The following TEPSIN variants were observed in gnomAD, a reference collection of about 807,000 sequenced individuals.
TEPSIN encodes the protein AP-4 complex accessory subunit tepsin.
In TEPSIN, 50 loss-of-function variants were observed where a neutral mutation model predicts 48.5. That is an observed-to-expected ratio of 1.03 (90% CI 0.82 to 1.31). The LOEUF (loss-of-function observed/expected upper bound fraction) is 1.31, where lower values mean the gene tolerates loss of function less well. Ranked by LOEUF, TEPSIN falls within the 50% of genes most tolerant of loss-of-function variation. TEPSIN has a pLI of 0.00. For missense variants in TEPSIN, 838 were observed against 815.9 expected (o/e 1.03, Z -0.33); for synonymous variants, 392 against 358.8 (o/e 1.09, Z -1.05).
chr17:81,237,527 C>CT (rs1598363308), intron 1 of TEPSIN, 68 bp from the exon 2 acceptor site: 1 of 1,499,798 alleles, frequency 6.7e-7, no homozygotes, highest in Non-Finnish European at 9.0e-7. Context: ...CCGCAGCCCC[C>CT]CAAAGGGGAT....
intron 1 of TEPSIN, chr17:81,237,661 C>T (rs941564829): frequency 3.2e-6 from 2 of 625,474 alleles, no homozygotes; most frequent in African/African-American, 3.7e-5. Context: ...GATGAACAGC[C>T]TCGGAGAAGA....
At chr17:81,229,601 G>A in intron 12 of TEPSIN, 125 bp from the exon 13 acceptor site, 1 of 1,018,794 alleles carries the variant, frequency 9.8e-7, no homozygotes, top group Non-Finnish European at 1.4e-6. Context: ...CCTCTGGGCA[G>A]GACACCGGCT....
intron 1 of TEPSIN, chr17:81,238,646 G>A: frequency 1.7e-6 from 2 of 1,155,016 alleles, no homozygotes; most frequent in Non-Finnish European, 2.1e-6. Context: ...CTGGGCGCCA[G>A]CAGCACGGAC....
Position 81,233,387 on chromosome 17 carries a change from C to T in TEPSIN, c.526+45G>A, listed in dbSNP as rs1488140395. The T allele has an allele frequency of 1.2e-5, 20 of 1,601,234 alleles. No individual in the cohort carries two copies. The highest frequency in any genetic ancestry group is 2.2e-4 in the Middle Eastern group (1 of 4,450). On this transcript the variant is annotated intron_variant, in intron 7 of 12. Coordinates refer to ENST00000637944, the MANE Select transcript of TEPSIN (RefSeq NM_001363764.2). This position sits in a 1 kb window ranked among gnomAD's most constrained non-coding sequence, Gnocchi z 5.8. ...TCCGGCCCCCACCACCTCCTCATCCCCACACCCTGAGATGCCAGAGCCCAT... is the reference window on the plus strand; with the variant it reads ...TCCGGCCCCCACCACCTCCTCATCCTCACACCCTGAGATGCCAGAGCCCAT...
In TEPSIN at chr17:81,234,054, G is replaced by A; in HGVS notation, c.308-6C>T. The A allele has an allele frequency of 1.3e-6, 2 of 1,586,834 alleles. No homozygotes were observed. The highest frequency in any genetic ancestry group is 2.3e-5 in the East Asian group (1 of 43,864). ...ATCTGGGGGCCCTGCAAAAGCTGCA[G>A]AACAGAAAAGGCAAGTCGGGGGCAG... is the stretch of plus-strand genomic sequence containing the variant. On this transcript the variant is annotated splice_region_variant and splice_polypyrimidine_tract_variant and intron_variant, in intron 4 of 12. Coordinates refer to ENST00000637944, the MANE Select transcript of TEPSIN (RefSeq NM_001363764.2). This position sits in a 1 kb window ranked among gnomAD's most constrained non-coding sequence, Gnocchi z 5.4.
In TEPSIN at chr17:81,237,379, A is replaced by C. The variant is rs1277912902; in HGVS notation, c.121+8T>G. ...TTTCCACTACACGGGGACATCAAGG[A>C]AGGATACTAGCAATCTCTTCAAACA... is the stretch of plus-strand genomic sequence containing the variant. On this transcript the variant is annotated splice_region_variant and intron_variant, in intron 2 of 12. Coordinates refer to ENST00000637944, the MANE Select transcript of TEPSIN (RefSeq NM_001363764.2). 8.7e-6 allele frequency: 14 copies of C among 1,610,704 alleles called. No homozygotes were observed. Among genetic ancestry groups the C allele is most frequent in the Non-Finnish European group, 1.2e-5 (14 of 1,178,914 alleles).
chr17:81,236,724 G>T lies in TEPSIN; in HGVS notation c.291C>A (p.Phe97Leu), dbSNP rs868726153. 1 of 1,566,848 alleles carries T rather than the reference G, an allele frequency of 6.4e-7. No individual in the cohort carries two copies. Among genetic ancestry groups the T allele is most frequent in the Non-Finnish European group, 8.6e-7 (1 of 1,156,350 alleles). Residue 97 changes from phenylalanine (F) to leucine (L), a missense_variant, in exon 4 of 13, where the codon TTC (phenylalanine) becomes TTA (leucine). Phe to Leu is a conservative substitution (Grantham distance 22). Transcript: ENST00000637944. Reference sequence around the variant, plus strand: ...CCCCTGTACCTGCAGCTTCCTGGATGAAGGCAGAGTTGCGTTTGAGGATGA... The same window carrying T: ...CCCCTGTACCTGCAGCTTCCTGGATTAAGGCAGAGTTGCGTTTGAGGATGA... ...FLLILKRNSA[F>L]IQEAAAFAGP...
In TEPSIN at chr17:81,231,665, C is replaced by T. The variant is rs752501204; in HGVS notation, c.932G>A (p.Cys311Tyr). The T allele has an allele frequency of 2.5e-6, 4 of 1,612,846 alleles. No individual in the cohort carries two copies. In the Admixed American group the frequency reaches 6.7e-5, roughly 27 times the overall value. Reference protein sequence around the residue: ...ERVEVVALSDCQQELSLVRTV... With the variant: ...ERVEVVALSDYQQELSLVRTV... ...CCTCACCAAGCTCAACTCCTGCTGA[C>T]AGTCACTCAGGGCCACCACCTCGAC... Residue 311 changes from cysteine to tyrosine, a missense_variant, in exon 10 of 13, where the codon TGT (cysteine) becomes TAT (tyrosine). Coordinates refer to ENST00000637944, the MANE Select transcript of TEPSIN (RefSeq NM_001363764.2).
rs749137312 is a variant in TEPSIN, at chr17:81,238,972, C to G, written c.48+14G>C. On this transcript the variant is annotated intron_variant, in intron 1 of 12. Coordinates refer to ENST00000637944, the MANE Select transcript of TEPSIN (RefSeq NM_001363764.2). ...GCCGTGGGACCGGGGCCCGGGCGGA[C>G]CGCCCTCACTCACCCGGTGTAGAAA... 18 of 1,450,138 alleles carry G rather than the reference C, an allele frequency of 1.2e-5. No individual in the cohort carries two copies. The South Asian group carries it at 1.6e-4, about 13-fold the overall frequency. The allele number at this position is 1,450,138 out of a possible 1,614,324, so 89.8% of individuals were successfully genotyped here.
intron 2 of TEPSIN, 38 bp downstream of exon 2, chr17:81,237,349 C>T (rs1430756799): frequency 4.4e-6 from 7 of 1,598,920 alleles, no homozygotes; most frequent in South Asian, 2.3e-5. Flanking sequence ...CCCTGCCATC[C>T]GCTCTTTCCA....
In TEPSIN at chr17:81,231,971, T is replaced by G; in HGVS notation, c.781A>C (p.Ser261Arg). ...QAGGGWDELDSGPSSQNSSQN... is the reference protein window; with the variant it reads ...QAGGGWDELDRGPSSQNSSQN... Reference sequence around the variant, plus strand: ...GAGGAATTCTGAGAGCTGGGGCCGCTGTCCAGCTCATCCCAGCCCCCTCCG... The same window carrying G: ...GAGGAATTCTGAGAGCTGGGGCCGCGGTCCAGCTCATCCCAGCCCCCTCCG... Residue 261 changes from serine (S) to arginine (R), a missense_variant, in exon 9 of 13, where the codon AGC becomes CGC. By Grantham distance (110) the Ser-to-Arg change is moderately radical. Transcript: ENST00000637944. 2 of 1,612,958 alleles carry G rather than the reference T, an allele frequency of 1.2e-6. No individual in the cohort carries two copies. Among genetic ancestry groups the G allele is most frequent in the Non-Finnish European group, 1.7e-6 (2 of 1,179,946 alleles).
intron 1 of TEPSIN, chr17:81,237,928 C>A: frequency 2.0e-6 from 2 of 991,292 alleles, no homozygotes; most frequent in Non-Finnish European, 2.4e-6. Context: ...CCATCGCTCC[C>A]CGAGAACCGA....
rs746887116 is a variant in TEPSIN, at chr17:81,231,935, C to T, written c.817G>A (p.Asp273Asn). ...CCCGAGTCCGAGACCCTGCTCAGGT[C>T]GCTGTTCTGGGAGGAATTCTGAGAG... ...PSSQNSSQNSDLSRVSDSGSH... is the reference protein window; with the variant it reads ...PSSQNSSQNSNLSRVSDSGSH... Residue 273 changes from aspartate to asparagine, a missense_variant, in exon 9 of 13, where the codon GAC becomes AAC. Coordinates refer to ENST00000637944, the MANE Select transcript of TEPSIN (RefSeq NM_001363764.2). The T allele has an allele frequency of 1.1e-5, 18 of 1,613,564 alleles. No individual in the cohort carries two copies. The highest frequency in any genetic ancestry group is 5.0e-5 in the Admixed American group (3 of 60,018).
rs952435194 is a variant in TEPSIN at position 81,234,723 on chromosome 17, C to T, written c.308-675G>A. The stretch of plus-strand genomic sequence containing the variant: ...GACGATGCTCCTGGCTGTCCCTGGG[C>T]CCAGGGCTGGCGGCCACAAGCTGAG... On this transcript the variant is annotated intron_variant, in intron 4 of 12. Coordinates refer to ENST00000637944, the MANE Select transcript of TEPSIN (RefSeq NM_001363764.2). The surrounding 1 kb of genome is among the most constrained non-coding windows in gnomAD (Gnocchi z 5.4). Among the ~76,000 whole-genome samples the T allele has an allele frequency of 4.6e-5, 7 of 152,026 alleles. No individual in the cohort carries two copies. The highest frequency in any genetic ancestry group is 1.2e-4 in the African/African-American group (5 of 41,380).
Position 81,236,750 on chromosome 17 carries a change from G to A in TEPSIN, c.265C>T (p.Leu89Phe), listed in dbSNP as rs372390825. The A allele has an allele frequency of 7.0e-6, 11 of 1,574,804 alleles. No homozygotes were observed. Among genetic ancestry groups the A allele is most frequent in the Non-Finnish European group, 7.8e-6 (9 of 1,160,870 alleles). The stretch of plus-strand genomic sequence containing the variant: ...AAGGCAGAGTTGCGTTTGAGGATGA[G>A]CAGGAAGAAGGAGGAGCCGTGGCTG... Reference protein sequence around the residue: ...LCSHGSSFFLLILKRNSAFIQ... With the variant: ...LCSHGSSFFLFILKRNSAFIQ... The change falls in exon 4 of 13, where the codon CTC (leucine) becomes TTC (phenylalanine). Residue 89 changes from leucine to phenylalanine, a missense_variant. Physicochemically the swap from Leu to Phe is conservative, Grantham distance 22. Coordinates refer to ENST00000637944, the MANE Select transcript of TEPSIN (RefSeq NM_001363764.2).
In TEPSIN at chr17:81,237,141, A is replaced by G. The variant is rs569136645; in HGVS notation, c.122-70T>C. 7 of 1,470,582 alleles carry G rather than the reference A, an allele frequency of 4.8e-6. No homozygotes were observed. In the East Asian group the frequency reaches 1.7e-4, roughly 36 times the overall value. 91.1% of individuals were successfully genotyped at this position (1,470,582 alleles called of 1,614,324 possible). A position where few individuals can be genotyped will look rare whatever the true frequency, so the allele number is the denominator to read the frequency against. ...CGCCAGGCCGCAGGGAGACCAGGCC[A>G]TGGGGCCTCTCAGTTCACGCTCCCT... On this transcript the variant is annotated intron_variant, in intron 2 of 12. Coordinates refer to ENST00000637944, the MANE Select transcript of TEPSIN (RefSeq NM_001363764.2).
intron 1 of TEPSIN, 33 bp downstream of exon 1, chr17:81,238,953 G>A (rs997031501): frequency 1.4e-6 from 2 of 1,424,890 alleles, no homozygotes; most frequent in African/African-American, 3.0e-5. Context: ...AGGAGCCGTG[G>A]GACCGGGGCC....
chr17:81,232,927 C>T (rs1306430374), intron 7 of TEPSIN: 2 of 229,492 alleles, frequency 8.7e-6, no homozygotes, highest in African/African-American at 2.3e-5. Flanking sequence ...GTGCGCAGGA[C>T]GGCGTGACAC....
chr17:81,234,556 ACCTGGGG>A lies in TEPSIN; in HGVS notation c.308-515_308-509del, dbSNP rs1309346063. Among the ~76,000 whole-genome samples, 1 of 151,526 alleles carries A rather than the reference ACCTGGGG, an allele frequency of 6.6e-6. No homozygotes were observed. Among genetic ancestry groups the A allele is most frequent in the Non-Finnish European group, 1.5e-5 (1 of 67,834 alleles). ...CGGCCCCAGGGCCCCCCAAGCCTAC[ACCTGGGG>A]CCGCGGCATCCTTTCAGGGCTCAGG... On this transcript the variant is annotated intron_variant, in intron 4 of 12. Coordinates refer to ENST00000637944, the MANE Select transcript of TEPSIN (RefSeq NM_001363764.2). The surrounding 1 kb of genome is among the most constrained non-coding windows in gnomAD (Gnocchi z 5.4).
Sources: gnomAD v4.1 joint callset for allele counts (sites outside exome capture counted in the v4.1 genomes callset) on GRCh38, gnomAD v4.1.1 for gene constraint, Gnocchi (gnomAD v3.1) non-coding constraint, MANE v1.5 for transcripts, NCBI Gene and HGNC (gene_info 2026-07-23, HGNC 2026-07-21) for gene names.